Variants in VRK2 observed in about 807,000 individuals in gnomAD.
The protein encoded by VRK2 is serine/threonine-protein kinase VRK2.
Under a neutral mutation model 57.6 loss-of-function variants are expected in VRK2, and 60 were observed. The ratio of observed to expected loss-of-function variants is 1.04; its 90% CI spans 0.85 to 1.29. The LOEUF is 1.29. Ranked by LOEUF, VRK2 falls within the 50% of genes most tolerant of loss-of-function variation. VRK2 has a pLI of 0.00. For synonymous variants in VRK2, 231 were observed against 199.2 expected, an observed-to-expected ratio of 1.16 and a Z score of -1.35; for missense variants, 705 against 588.1, an observed-to-expected ratio of 1.20 and a Z score of -2.06.
rs973774266 is a variant in VRK2, at chr2:58,081,941, C to G, written c.137-2148C>G. The stretch of plus-strand genomic sequence containing the variant: ...ACTAGCTATAATGGGGCTTGGCTTA[C>G]AGTAGAAAATAATTGTTTTATTAAT... On this transcript the variant is annotated intron_variant, in intron 2 of 12. Transcript: ENST00000340157. Among the ~76,000 whole-genome samples, 8 of 150,668 alleles carry G rather than the reference C, an allele frequency of 5.3e-5. No individual in the cohort carries two copies. In the South Asian group the frequency reaches 1.7e-3, roughly 32 times the overall value.
At chr2:58,058,253 TC>T (rs1399217199) in intron 2 of VRK2, 1 of 434,094 alleles carries the variant, frequency 2.3e-6, no homozygotes, top group Non-Finnish European at 4.7e-6. Context: ...AAAGTGTCAT[TC>T]TATTTAACTT....
At chr2:57,946,773 C>G (rs942659496) in intron 1 of VRK2, among the ~76,000 whole-genome samples, 6 of 152,038 alleles carry the variant, frequency 3.9e-5, no homozygotes, top group East Asian at 1.9e-4. Context: ...AATTTATGAG[C>G]CTTCTGGATG....
chr2:57,919,176 A>C (rs1193317452), intron 1 of VRK2, among the ~76,000 whole-genome samples: 3 of 152,126 alleles, frequency 2.0e-5, no homozygotes, highest in African/African-American at 4.8e-5. Flanking sequence ...GAGGGGAAAA[A>C]AAGATAGCCT....
rs377083692 is a variant in VRK2, at chr2:58,137,198, ATATC to A, written c.856+2001_856+2004del. On this transcript the variant is annotated intron_variant, in intron 10 of 12. Transcript: ENST00000340157. ...CATATATATCATATATGATACATAT[ATATC>A]TCATATATGATACATATATATCATA... Among the ~76,000 whole-genome samples the A allele has an allele frequency of 3.1e-4, 28 of 90,846 alleles. 2 individuals carry two copies. The highest frequency in any genetic ancestry group is 1.7e-3 in the African/African-American group (22 of 12,906). The allele number at this position is 90,846 out of a possible 152,430, so 59.6% of individuals were successfully genotyped here.
At chr2:57,943,565 G>C (rs769908150) in intron 1 of VRK2, among the ~76,000 whole-genome samples, 2 of 152,096 alleles carry the variant, frequency 1.3e-5, no homozygotes, top group Non-Finnish European at 2.9e-5. Context: ...TCATTTACTA[G>C]GTATAGTGAG....
intron 1 of VRK2, among the ~76,000 whole-genome samples, chr2:57,942,829 G>A (rs191745640): frequency 4.4e-4 from 67 of 152,272 alleles, no homozygotes; most frequent in Non-Finnish European, 1.5e-4. Flanking sequence ...GTCAACCGAT[G>A]CAGAATGACT....
chr2:57,967,994 C>A (rs1671974596), intron 1 of VRK2, among the ~76,000 whole-genome samples: 1 of 151,902 alleles, frequency 6.6e-6, no homozygotes, highest in Non-Finnish European at 1.5e-5. Flanking sequence ...TATCTCTATA[C>A]AAGTAGGGCC....
At chr2:58,140,331 ACAC>A (rs770186692) in intron 11 of VRK2, among the ~76,000 whole-genome samples, 1 of 151,968 alleles carries the variant, frequency 6.6e-6, no homozygotes, top group Non-Finnish European at 1.5e-5. Flanking sequence ...TTTAAAAGTT[ACAC>A]CTCTTCTTTT....
intron 11 of VRK2, among the ~76,000 whole-genome samples, chr2:58,143,871 C>G (rs922770410): frequency 2.6e-5 from 4 of 151,472 alleles, no homozygotes; most frequent in African/African-American, 9.7e-5. Flanking sequence ...TCCGTAACCA[C>G]AATATTATTT....
At chr2:58,139,874 G>A in intron 11 of VRK2, 42 bp downstream of exon 11, 1 of 1,504,716 alleles carries the variant, frequency 6.6e-7, no homozygotes, top group Non-Finnish European at 8.9e-7. Flanking sequence ...TACCTTCTAT[G>A]ATACTTTTCT....
chr2:58,125,409 C>T (rs1238627616), intron 8 of VRK2, among the ~76,000 whole-genome samples: 1 of 151,342 alleles, frequency 6.6e-6, no homozygotes, highest in East Asian at 2.0e-4. Context: ...ATTCTAAAAT[C>T]TTAATACATG....
chr2:58,041,331 C>T (rs1386807644), intron 3 of VRK2, among the ~76,000 whole-genome samples: 1 of 151,798 alleles, frequency 6.6e-6, no homozygotes, highest in African/African-American at 2.4e-5. Flanking sequence ...ATTCTAAGCC[C>T]CCGAACTAAC....
chr2:58,041,080 A>G, intron 3 of VRK2: 2 of 985,066 alleles, frequency 2.0e-6, no homozygotes, highest in Non-Finnish European at 2.4e-6. Flanking sequence ...TGGGGGGGAA[A>G]AAGGATGTAG....
At chr2:57,920,877 T>C (rs1263186606) in intron 1 of VRK2, among the ~76,000 whole-genome samples, 3 of 152,062 alleles carry the variant, frequency 2.0e-5, no homozygotes, top group Non-Finnish European at 4.4e-5. Context: ...TATTATGGGA[T>C]CAGAATAGTA....
At chr2:57,950,318 T>C (rs530232555) in intron 1 of VRK2, among the ~76,000 whole-genome samples, 6 of 152,356 alleles carry the variant, frequency 3.9e-5, no homozygotes, top group African/African-American at 1.2e-4. Context: ...ACTCTTGTTA[T>C]GGACTAACAC....
intron 1 of VRK2, among the ~76,000 whole-genome samples, chr2:58,013,077 T>C (rs1673461201): frequency 1.3e-5 from 2 of 152,290 alleles, no homozygotes; most frequent in South Asian, 4.1e-4. Context: ...TCTATGTTTT[T>C]ATAAAAAAAT....
chr2:58,134,542 C>G lies in VRK2; in HGVS notation c.798-599C>G, dbSNP rs537335731. 3.5e-5 allele frequency among the ~76,000 whole-genome samples: 5 copies of G among 144,502 alleles called. No individual in the cohort carries two copies. The South Asian group carries it at 8.7e-4, about 25-fold the overall frequency. 94.8% of individuals were successfully genotyped at this position (144,502 alleles called of 152,430 possible). ...AGGAGAATGGCGTGAACCCGGGAAG[C>G]GGAGCTTGCAGTGAGCCGAGATTGC... On this transcript the variant is annotated intron_variant, in intron 9 of 12. Transcript: ENST00000340157.
chr2:58,071,629 G>C lies in VRK2; in HGVS notation c.137-12460G>C, dbSNP rs1037189712. 1.3e-4 allele frequency among the ~76,000 whole-genome samples: 19 copies of C among 151,918 alleles called. 1 individual carries two copies. Among genetic ancestry groups the C allele is most frequent in the African/African-American group, 4.6e-4 (19 of 41,486 alleles). ...TTTGACTATATCGGGTCTATTTCTA[G>C]GCTATCTATTACATTGATCTATTTG... is the stretch of plus-strand genomic sequence containing the variant. On this transcript the variant is annotated intron_variant, in intron 2 of 12. Transcript: ENST00000340157.
intron 12 of VRK2, among the ~76,000 whole-genome samples, chr2:58,157,458 A>G (rs1684086827): frequency 6.6e-6 from 1 of 152,128 alleles, no homozygotes; most frequent in African/African-American, 2.4e-5. Context: ...CCTAGCTGTA[A>G]CAACCCAAAA....
Sources: gnomAD v4.1 joint callset for allele counts (sites outside exome capture counted in the v4.1 genomes callset) on GRCh38, gnomAD v4.1.1 for gene constraint, MANE v1.5 for transcripts, NCBI Gene and HGNC (gene_info 2026-07-23, HGNC 2026-07-21) for gene names.